Variants in MAP2 observed in about 807,000 individuals in gnomAD.
MAP2 encodes the protein microtubule associated protein 2.
MAP2 carries 14 observed loss-of-function variants against 137.6 expected under a neutral mutation model. That is an observed-to-expected ratio of 0.10 (90% CI 0.07 to 0.16). MAP2 has a LOEUF of 0.16. MAP2 is among the 10% of genes least tolerant of loss of function. The pLI, the probability that MAP2 is intolerant of heterozygous loss-of-function variation, is 1.00. For missense variants in MAP2, 2,088 were observed against 2,191.5 expected (o/e 0.95, Z 0.94); for synonymous variants, 786 against 782.3 (o/e 1.00, Z -0.08).
chr2:209,429,934 A>G (rs898725634), intron 1 of MAP2, among the ~76,000 whole-genome samples: 2 of 152,080 alleles, frequency 1.3e-5, no homozygotes, highest in African/African-American at 4.8e-5. Flanking sequence ...AGGCAATTAA[A>G]TAATGCTCGG....
intron 2 of MAP2, among the ~76,000 whole-genome samples, chr2:209,526,488 GTTTC>G (rs2064071749): frequency 6.7e-6 from 1 of 150,250 alleles, no homozygotes; most frequent in Admixed American, 6.6e-5. Context: ...TTTTTGGTTT[GTTTC>G]TTTATTTTTT....
At chr2:209,541,605 C>G (rs2067055927) in intron 2 of MAP2, among the ~76,000 whole-genome samples, 1 of 152,124 alleles carries the variant, frequency 6.6e-6, no homozygotes. Flanking sequence ...TCTGGCTCAT[C>G]AACTTAGTTT....
intron 3 of MAP2, among the ~76,000 whole-genome samples, chr2:209,590,695 G>A (rs1450155964): frequency 1.3e-5 from 2 of 152,250 alleles, no homozygotes; most frequent in East Asian, 3.9e-4. Context: ...CATGTTTCAA[G>A]CGCTTGATAG....
chr2:209,442,467 G>T (rs1462190278), intron 1 of MAP2, among the ~76,000 whole-genome samples: 1 of 151,586 alleles, frequency 6.6e-6, no homozygotes, highest in East Asian at 1.9e-4. Flanking sequence ...GAAATAGTAA[G>T]AGATTTTATT....
chr2:209,495,083 G>C (rs2150040037), intron 1 of MAP2, among the ~76,000 whole-genome samples: 1 of 152,358 alleles, frequency 6.6e-6, no homozygotes, highest in Admixed American at 6.5e-5. Context: ...GTTTGGACTG[G>C]GCGGAGCCCA....
chr2:209,436,442 A>G (rs1331426880), intron 1 of MAP2, among the ~76,000 whole-genome samples: 1 of 151,660 alleles, frequency 6.6e-6, no homozygotes, highest in Non-Finnish European at 1.5e-5. Flanking sequence ...AGTTCTTATC[A>G]TGTTCCAATA....
intron 3 of MAP2, among the ~76,000 whole-genome samples, chr2:209,622,931 G>A (rs947452742): frequency 3.3e-5 from 5 of 151,888 alleles, no homozygotes; most frequent in Admixed American, 6.6e-5. Context: ...TTTAATAATC[G>A]TCTCATCCTT....
At chr2:209,509,794 A>G (rs1296033949) in intron 2 of MAP2, among the ~76,000 whole-genome samples, 1 of 151,918 alleles carries the variant, frequency 6.6e-6, no homozygotes, top group Non-Finnish European at 1.5e-5. Flanking sequence ...AGCTACCGAT[A>G]GGGGTATATA....
intron 10 of MAP2, among the ~76,000 whole-genome samples, chr2:209,699,827 T>C (rs1016447134): frequency 6.6e-6 from 1 of 152,214 alleles, no homozygotes; most frequent in Non-Finnish European, 1.5e-5. Context: ...TCTATGGTTA[T>C]GCCAGTGGCT....
chr2:209,582,874 A>G (rs2076805619), intron 3 of MAP2, among the ~76,000 whole-genome samples: 1 of 152,136 alleles, frequency 6.6e-6, no homozygotes, highest in South Asian at 2.1e-4. Flanking sequence ...TATCTCCTTT[A>G]GCTCTCCCTG....
At chr2:209,590,286 G>A (rs2078899768) in intron 3 of MAP2, among the ~76,000 whole-genome samples, 2 of 151,986 alleles carry the variant, frequency 1.3e-5, no homozygotes, top group East Asian at 3.9e-4. Flanking sequence ...AAACAGTGTT[G>A]GCTAATAAAT....
chr2:209,686,772 G>A (rs1426171164), intron 7 of MAP2, among the ~76,000 whole-genome samples: 5 of 152,066 alleles, frequency 3.3e-5, no homozygotes, highest in African/African-American at 9.7e-5. Context: ...AGTTACTTTA[G>A]CATTTCAATA....
chr2:209,444,446 G>A (rs1210895670), intron 1 of MAP2, among the ~76,000 whole-genome samples: 4 of 151,290 alleles, frequency 2.6e-5, no homozygotes, highest in Non-Finnish European at 5.9e-5. Context: ...TGAGACTGTC[G>A]GCTGAAATAA....
chr2:209,504,763 A>G (rs2060827120), intron 1 of MAP2, among the ~76,000 whole-genome samples: 2 of 151,526 alleles, frequency 1.3e-5, no homozygotes. Context: ...TTTTTTTCCT[A>G]GTGAATATTT....
intron 7 of MAP2, chr2:209,690,555 C>A: frequency 8.2e-7 from 1 of 1,218,656 alleles, no homozygotes; most frequent in Non-Finnish European, 1.0e-6. Flanking sequence ...TCTGTCGTTT[C>A]ATGTATTGTT....
intron 1 of MAP2, among the ~76,000 whole-genome samples, chr2:209,484,707 A>G (rs1367314781): frequency 6.6e-6 from 1 of 152,160 alleles, no homozygotes; most frequent in Non-Finnish European, 1.5e-5. Flanking sequence ...CAAACAAACA[A>G]AAAACATATC....
At chr2:209,718,225 T>G (rs1438610966) in intron 13 of MAP2, among the ~76,000 whole-genome samples, 1 of 152,142 alleles carries the variant, frequency 6.6e-6, no homozygotes, top group Non-Finnish European at 1.5e-5. Flanking sequence ...GTTTGCAAAG[T>G]TGAGGCTTGT....
At chr2:209,673,536 T>C (rs373732136) in intron 5 of MAP2, among the ~76,000 whole-genome samples, 5 of 151,938 alleles carry the variant, frequency 3.3e-5, no homozygotes, top group African/African-American at 1.2e-4. Context: ...TTAACTAAGA[T>C]AATTTCTAAC....
At chr2:209,614,304 C>T (rs767923991) in intron 3 of MAP2, among the ~76,000 whole-genome samples, 2 of 152,082 alleles carry the variant, frequency 1.3e-5, no homozygotes, top group Non-Finnish European at 2.9e-5. Flanking sequence ...AACAGAAGAA[C>T]GAGGAAAACA....
Sources: allele counts gnomAD v4.1 joint callset (sites outside exome capture counted in the v4.1 genomes callset), GRCh38; gene constraint gnomAD v4.1.1; transcripts MANE v1.5; gene names NCBI Gene and HGNC (gene_info 2026-07-23, HGNC 2026-07-21).